Variants in RABGAP1L observed in about 807,000 individuals in gnomAD.
RABGAP1L encodes rab GTPase-activating protein 1-like.
RABGAP1L carries 63 observed loss-of-function variants against 137.7 expected under a neutral mutation model. That is an observed-to-expected ratio of 0.46 (90% CI 0.37 to 0.56). The LOEUF (loss-of-function observed/expected upper bound fraction) is 0.56, where lower values mean the gene tolerates loss of function less well. Ranked by LOEUF, RABGAP1L falls within the 20% of genes least tolerant of loss-of-function variation. The pLI is 0.00. For missense variants in RABGAP1L, 1,095 were observed against 1,244.0 expected, an observed-to-expected ratio of 0.88 and a Z score of 1.80; for synonymous variants, 431 against 433.7, an observed-to-expected ratio of 0.99 and a Z score of 0.08.
chr1:174,506,089 T>A (rs1661789542), intron 13 of RABGAP1L, among the ~76,000 whole-genome samples: 1 of 152,196 alleles, frequency 6.6e-6, no homozygotes, highest in Admixed American at 6.5e-5. Context: ...CTAAAAAAGT[T>A]GAACTCATAG....
intron 1 of RABGAP1L, among the ~76,000 whole-genome samples, chr1:174,189,215 C>T (rs1414189213): frequency 3.3e-5 from 5 of 152,158 alleles, no homozygotes. Flanking sequence ...CTGTGTTAGC[C>T]AGGATGGTCT....
chr1:174,698,307 C>T (rs939889385), intron 15 of RABGAP1L, among the ~76,000 whole-genome samples: 1 of 152,090 alleles, frequency 6.6e-6, no homozygotes, highest in Non-Finnish European at 1.5e-5. Flanking sequence ...GAGGTTTGTT[C>T]CTTTGACTTC....
At chr1:174,198,390 C>A (rs1241566390) in intron 1 of RABGAP1L, among the ~76,000 whole-genome samples, 1 of 152,108 alleles carries the variant, frequency 6.6e-6, no homozygotes, top group Non-Finnish European at 1.5e-5. Context: ...CTCACAATGA[C>A]TTTGCAGATT....
intron 3 of RABGAP1L, among the ~76,000 whole-genome samples, chr1:174,226,498 A>C (rs1670191657): frequency 6.6e-6 from 1 of 152,124 alleles, no homozygotes; most frequent in African/African-American, 2.4e-5. Flanking sequence ...AGTAGGAGAG[A>C]TAAATTGTAA....
chr1:174,887,805 T>C (rs1655418423), intron 19 of RABGAP1L, among the ~76,000 whole-genome samples: 1 of 152,108 alleles, frequency 6.6e-6, no homozygotes. Flanking sequence ...AAGGCTGAGG[T>C]GGGCTGATCA....
At chr1:174,456,617 C>T (rs932220259) in intron 13 of RABGAP1L, among the ~76,000 whole-genome samples, 1 of 151,776 alleles carries the variant, frequency 6.6e-6, no homozygotes, top group African/African-American at 2.4e-5. Context: ...TAAATAAAAC[C>T]TTTTAAATAA....
chr1:174,621,526 A>T (rs188925988), intron 13 of RABGAP1L, among the ~76,000 whole-genome samples: 439 of 152,344 alleles, frequency 2.9e-3, no homozygotes, highest in Non-Finnish European at 4.0e-3. Context: ...ATGGAACAGA[A>T]CAGAGCCCTC....
chr1:174,802,709 AG>A (rs1473160775), intron 18 of RABGAP1L, among the ~76,000 whole-genome samples: 1 of 152,214 alleles, frequency 6.6e-6, no homozygotes, highest in Admixed American at 6.5e-5. Flanking sequence ...TGGTAATACG[AG>A]GGTACTCTAC....
chr1:174,980,677 T>A (rs573222989), intron 23 of RABGAP1L, among the ~76,000 whole-genome samples: 1 of 152,200 alleles, frequency 6.6e-6, no homozygotes, highest in East Asian at 1.9e-4. Context: ...AGGAAAGTCT[T>A]CAGGGCTAGG....
At chr1:174,600,578 C>G in intron 13 of RABGAP1L, among the ~76,000 whole-genome samples, 1 of 152,132 alleles carries the variant, frequency 6.6e-6, no homozygotes, top group East Asian at 1.9e-4. Context: ...AAAGGAGTTA[C>G]AGGGCCCATG....
chr1:174,687,677 C>G (rs1678582257), intron 15 of RABGAP1L, among the ~76,000 whole-genome samples: 2 of 152,144 alleles, frequency 1.3e-5, no homozygotes, highest in Admixed American at 1.3e-4. Context: ...TTATTAGGGT[C>G]TTACTGACTA....
At chr1:174,316,098 C>T (rs2148812248) in intron 11 of RABGAP1L, among the ~76,000 whole-genome samples, 1 of 152,324 alleles carries the variant, frequency 6.6e-6, no homozygotes, top group East Asian at 1.9e-4. Flanking sequence ...AAAATTATTT[C>T]AATCTCTGTT....
At chr1:174,293,531 G>A (rs1411939231) in intron 10 of RABGAP1L, among the ~76,000 whole-genome samples, 2 of 152,106 alleles carry the variant, frequency 1.3e-5, no homozygotes, top group Non-Finnish European at 2.9e-5. Flanking sequence ...CAGGAAATAG[G>A]TCATAATAAC....
chr1:174,716,475 T>G (rs1366006422), intron 17 of RABGAP1L, among the ~76,000 whole-genome samples: 4 of 152,184 alleles, frequency 2.6e-5, no homozygotes, highest in Admixed American at 2.6e-4. Context: ...AAGAGTAGTT[T>G]AACCTTTTTC....
At chr1:174,494,114 A>T (rs1026960050) in intron 13 of RABGAP1L, among the ~76,000 whole-genome samples, 1 of 152,176 alleles carries the variant, frequency 6.6e-6, no homozygotes, top group Non-Finnish European at 1.5e-5. Context: ...AATGGCATTG[A>T]TCTATTTCTT....
intron 10 of RABGAP1L, among the ~76,000 whole-genome samples, chr1:174,299,847 T>A (rs927600330): frequency 1.3e-5 from 2 of 152,214 alleles, no homozygotes; most frequent in Admixed American, 6.5e-5. Context: ...TCCAAAGTTA[T>A]CAGAAGTCTG....
At chr1:174,555,488 A>G (rs1351799827) in intron 13 of RABGAP1L, among the ~76,000 whole-genome samples, 2 of 152,324 alleles carry the variant, frequency 1.3e-5, no homozygotes, top group East Asian at 3.9e-4. Flanking sequence ...TTCATTCAAC[A>G]AACATTTGTC....
At chr1:174,982,439 G>A (rs1574073302) in intron 23 of RABGAP1L, among the ~76,000 whole-genome samples, 1 of 152,166 alleles carries the variant, frequency 6.6e-6, no homozygotes, top group African/African-American at 2.4e-5. Context: ...TGTGACAGTA[G>A]AAAGGAGATA....
intron 12 of RABGAP1L, among the ~76,000 whole-genome samples, chr1:174,390,520 C>T (rs1245904412): frequency 6.6e-6 from 1 of 152,106 alleles, no homozygotes; most frequent in Admixed American, 6.5e-5. Flanking sequence ...ACAGTTAAAT[C>T]ATTATGCAAA....
Sources: gnomAD v4.1 joint callset for allele counts (sites outside exome capture counted in the v4.1 genomes callset) on GRCh38, gnomAD v4.1.1 for gene constraint, MANE v1.5 for transcripts, NCBI Gene and HGNC (gene_info 2026-07-23, HGNC 2026-07-21) for gene names.